The following PTPN12 variants were observed in gnomAD, a reference collection of about 807,000 sequenced individuals.
The protein encoded by PTPN12 is tyrosine-protein phosphatase non-receptor type 12.
Under a neutral mutation model 97.6 loss-of-function variants are expected in PTPN12, and 29 were observed. That is an observed-to-expected ratio of 0.30 (90% confidence interval 0.22 to 0.41). The LOEUF is 0.41. PTPN12 is among the 10% of genes least tolerant of loss of function. The probability of loss-of-function intolerance (pLI) is 1.00; values close to 1 mark genes in which losing one functional copy is unlikely to be tolerated. For missense variants in PTPN12, 819 were observed against 926.0 expected, an observed-to-expected ratio of 0.88 and a Z score of 1.50; for synonymous variants, 327 against 300.4, an observed-to-expected ratio of 1.09 and a Z score of -0.91.
intron 1 of PTPN12, among the ~76,000 whole-genome samples, chr7:77,552,878 T>A (rs555094427): frequency 6.6e-6 from 1 of 152,290 alleles, no homozygotes; most frequent in South Asian, 2.1e-4. Flanking sequence ...AGAAATAGTT[T>A]GTAATGTTTG....
At chr7:77,607,061 G>GT (rs1562744670) in intron 8 of PTPN12, 174 bp from the exon 9 acceptor site, 3 of 523,736 alleles carry the variant, frequency 5.7e-6, no homozygotes, top group Non-Finnish European at 1.0e-5. Flanking sequence ...TGTATTCTGT[G>GT]TAACAGATGT....
chr7:77,611,634 G>A (rs1428065517), intron 11 of PTPN12, among the ~76,000 whole-genome samples: 1 of 152,098 alleles, frequency 6.6e-6, no homozygotes, highest in Non-Finnish European at 1.5e-5. Flanking sequence ...TAGTAGAGAC[G>A]GAGTTTCGCC....
chr7:77,546,787 G>A lies in PTPN12; in HGVS notation c.99+9142G>A, dbSNP rs531759928. Among the ~76,000 whole-genome samples the A allele has an allele frequency of 6.6e-5, 10 of 152,338 alleles. No homozygotes were observed. The South Asian group carries it at 1.9e-3, about 28-fold the overall frequency. ...AGGAAACTTACGATTGTGGTGGAAG[G>A]TGAAGGGGAAGCAAGGCACCTTCTT... On this transcript the variant is annotated intron_variant, in intron 1 of 17. Transcript: ENST00000248594.
intron 1 of PTPN12, among the ~76,000 whole-genome samples, chr7:77,550,410 T>C (rs888699515): frequency 4.6e-5 from 7 of 152,150 alleles, no homozygotes; most frequent in Non-Finnish European, 1.0e-4. Context: ...AAAATTAAAA[T>C]ATAAAGTTAA....
intron 12 of PTPN12, 23 bp from the exon 13 acceptor site, chr7:77,626,682 C>T: frequency 6.4e-7 from 1 of 1,568,566 alleles, no homozygotes; most frequent in Non-Finnish European, 8.6e-7. Flanking sequence ...TTAAAATGCC[C>T]TTTTTAAATG....
chr7:77,584,789 A>G (rs912123939), intron 4 of PTPN12, among the ~76,000 whole-genome samples: 5 of 151,876 alleles, frequency 3.3e-5, no homozygotes, highest in Admixed American at 3.3e-4. Flanking sequence ...AGGCAGGAGA[A>G]TGGCGTGAAC....
chr7:77,577,499 T>G (rs1023499818), intron 2 of PTPN12, among the ~76,000 whole-genome samples: 1 of 152,188 alleles, frequency 6.6e-6, no homozygotes, highest in Non-Finnish European at 1.5e-5. Flanking sequence ...GAGACCCAGC[T>G]TGTCACACCT....
intron 13 of PTPN12, among the ~76,000 whole-genome samples, chr7:77,631,808 A>G (rs1346664580): frequency 6.6e-6 from 1 of 152,250 alleles, no homozygotes; most frequent in Non-Finnish European, 1.5e-5. Context: ...TTTTGGAAAA[A>G]TAACTAGTAT....
At chr7:77,568,316 G>A (rs183852074) in intron 1 of PTPN12, among the ~76,000 whole-genome samples, 347 of 152,224 alleles carry the variant, frequency 2.3e-3, no homozygotes, top group Middle Eastern at 0.01. Context: ...TCTCAATAAT[G>A]TAATTTGTCA....
intron 11 of PTPN12, among the ~76,000 whole-genome samples, chr7:77,612,223 C>T (rs1234866045): frequency 6.6e-6 from 1 of 152,080 alleles, no homozygotes; most frequent in African/African-American, 2.4e-5. Flanking sequence ...AATATCGGTC[C>T]ATGAGTTTTA....
At chr7:77,607,099 T>A in intron 8 of PTPN12, 136 bp from the exon 9 acceptor site, 1 of 622,680 alleles carries the variant, frequency 1.6e-6, no homozygotes, top group African/African-American at 1.9e-5. Context: ...AAGTTGTATT[T>A]TGTTTATTAC....
At chr7:77,594,557 G>T (rs917240499) in intron 6 of PTPN12, among the ~76,000 whole-genome samples, 1 of 152,106 alleles carries the variant, frequency 6.6e-6, no homozygotes, top group African/African-American at 2.4e-5. Flanking sequence ...TGTCAGCCAG[G>T]TTGGAGTGCA....
intron 2 of PTPN12, among the ~76,000 whole-genome samples, chr7:77,576,959 G>A (rs547216565): frequency 1.3e-5 from 2 of 152,294 alleles, no homozygotes; most frequent in South Asian, 4.1e-4. Context: ...ATCCTGGAAG[G>A]CCTGGCTGAC....
intron 1 of PTPN12, among the ~76,000 whole-genome samples, chr7:77,548,908 A>G (rs1297708299): frequency 2.6e-5 from 4 of 152,062 alleles, no homozygotes; most frequent in African/African-American, 4.8e-5. Flanking sequence ...CTGCTTGGAT[A>G]CTTCTCTTTG....
At chr7:77,567,348 A>G (rs1808307039) in intron 1 of PTPN12, among the ~76,000 whole-genome samples, 2 of 152,204 alleles carry the variant, frequency 1.3e-5, no homozygotes, top group South Asian at 2.1e-4. Context: ...CTAAAAGTAC[A>G]TATAAAGGTA....
rs774537243 is a variant in PTPN12 at position 77,537,592 on chromosome 7, G to A, written c.46G>A (p.Ala16Thr). The part of the protein sequence containing the change: ...ILRKFIQRVQ[A>T]MKSPDHNGED... ...GAGGAAATTCATCCAGAGGGTCCAG[G>A]CCATGAAGAGTCCTGACCACAATGG... Residue 16 changes from alanine (A) to threonine (T), a missense_variant, in exon 1 of 18, where the codon GCC (alanine) becomes ACC (threonine). By Grantham distance (58) the Ala-to-Thr change is moderately conservative (BLOSUM62 0). This residue lies in a region of PTPN12 where 59 missense variants were observed against 42.2 expected (regional missense o/e 1.40). Coordinates refer to ENST00000248594, the MANE Select transcript of PTPN12 (RefSeq NM_002835.4). The A allele has an allele frequency of 5.0e-6, 8 of 1,605,898 alleles. No individual in the cohort carries two copies. The highest frequency in any genetic ancestry group is 6.8e-6 in the Non-Finnish European group (8 of 1,177,010).
At chr7:77,574,547 G>A (rs540249195) in intron 2 of PTPN12, among the ~76,000 whole-genome samples, 2 of 152,274 alleles carry the variant, frequency 1.3e-5, no homozygotes, top group East Asian at 3.9e-4. Flanking sequence ...GGAGAGATTT[G>A]GTTGTCACAA....
chr7:77,589,119 C>T (rs1253188210), intron 5 of PTPN12, among the ~76,000 whole-genome samples: 4 of 152,156 alleles, frequency 2.6e-5, no homozygotes, highest in Non-Finnish European at 5.9e-5. Context: ...GGTGATCCGA[C>T]CGCCTTTGTC....
intron 11 of PTPN12, among the ~76,000 whole-genome samples, chr7:77,618,262 C>T (rs895931118): frequency 5.9e-5 from 9 of 152,046 alleles, no homozygotes; most frequent in Non-Finnish European, 1.0e-4. Context: ...CTTGATCTTT[C>T]CAGTAACTGT....
Sources: gnomAD v4.1 joint callset for allele counts (sites outside exome capture counted in the v4.1 genomes callset) on GRCh38, gnomAD v4.1.1 for gene constraint, gnomAD v4.1.1 regional missense constraint, MANE v1.5 for transcripts, NCBI Gene and HGNC (gene_info 2026-07-23, HGNC 2026-07-21) for gene names.